Variants in WDR62 observed in about 807,000 individuals in gnomAD.
WDR62 encodes WD repeat-containing protein 62.
Under a neutral mutation model 160.6 loss-of-function variants are expected in WDR62, and 112 were observed. The observed-to-expected ratio is 0.70, with a 90% confidence interval of 0.60 to 0.82. The LOEUF (loss-of-function observed/expected upper bound fraction) is 0.82, where lower values mean the gene tolerates loss of function less well. Among genes scored for constraint, WDR62 ranks in the 40% least tolerant of loss-of-function variants. WDR62 has a pLI of 0.00. For synonymous variants in WDR62, 792 were observed against 815.1 expected (o/e 0.97, Z 0.48); for missense variants, 1,819 against 1,983.8 (o/e 0.92, Z 1.58).
chr19:36,084,081 T>C (rs1972062098), intron 11 of WDR62, among the ~76,000 whole-genome samples: 1 of 152,068 alleles, frequency 6.6e-6, no homozygotes, highest in Non-Finnish European at 1.5e-5. Context: ...GGCGCTGGCC[T>C]GAGCACTGTG....
intron 10 of WDR62, 140 bp downstream of exon 10, chr19:36,081,710 C>T: frequency 1.9e-6 from 2 of 1,030,086 alleles, no homozygotes; most frequent in Non-Finnish European, 3.0e-6. Flanking sequence ...AGGCAGGTCC[C>T]TCTCTGCATC....
At chr19:36,058,957 C>T (rs1970504836) in intron 2 of WDR62, 86 bp downstream of exon 2, 1 of 1,143,332 alleles carries the variant, frequency 8.7e-7, no homozygotes, top group African/African-American at 1.5e-5. Context: ...CGCTCTGAGC[C>T]TCATATTTTT....
chr19:36,058,905 G>A (rs1330021892), intron 2 of WDR62, 34 bp downstream of exon 2: 1 of 1,570,352 alleles, frequency 6.4e-7, no homozygotes, highest in Non-Finnish European at 8.8e-7. Context: ...TCTAATCATT[G>A]CTAGGGAATT....
rs753130760 is a variant in WDR62 at position 36,058,731 on chromosome 19, G to A, written c.178-49G>A. The A allele has an allele frequency of 2.0e-6, 3 of 1,509,942 alleles. No homozygotes were observed. The South Asian group carries it at 3.4e-5, about 17-fold the overall frequency. 93.5% of individuals were successfully genotyped at this position (1,509,942 alleles called of 1,614,324 possible). On this transcript the variant is annotated intron_variant, in intron 1 of 31. Transcript: ENST00000401500. ...TGGGTGGCCAAGGCGGCTGCACCATGTGGTGCTGGCTAGGGTGGGTGCCTC... is the reference window on the plus strand; with the variant it reads ...TGGGTGGCCAAGGCGGCTGCACCATATGGTGCTGGCTAGGGTGGGTGCCTC...
At chr19:36,082,960 T>TA (rs1971987758) in intron 10 of WDR62, 103 bp from the exon 11 acceptor site, 1 of 1,003,532 alleles carries the variant, frequency 1.0e-6, no homozygotes, top group Non-Finnish European at 1.5e-6. Flanking sequence ...AGCTCAAAAT[T>TA]AGAGTTGTAT....
rs1465939870 is a variant in WDR62 at position 36,103,174 on chromosome 19, G to A, written c.3481G>A (p.Ala1161Thr). 6.2e-7 allele frequency: 1 copy of A among 1,614,068 alleles called. No individual in the cohort carries two copies. Among genetic ancestry groups the A allele is most frequent in the African/African-American group, 1.3e-5 (1 of 75,050 alleles). ...CCTGCAGGTCCTCGCTGCAGGGAAG[G>A]CTGAAGAGACCCTGGAGGCCTGGCG... ...DRTHVLAAGKAEETLEAWRPP... is the reference protein window; with the variant it reads ...DRTHVLAAGKTEETLEAWRPP... Residue 1161 changes from alanine (A) to threonine (T), a missense_variant, in exon 29 of 32, where the codon GCT becomes ACT. Transcript: ENST00000401500.
At chr19:36,067,544 C>T (rs1026125859) in intron 6 of WDR62, 101 bp downstream of exon 6, 45 of 1,563,016 alleles carry the variant, frequency 2.9e-5, no homozygotes, top group Non-Finnish European at 3.7e-5. Flanking sequence ...GCAGCGGTCT[C>T]GGGCCATTTG....
chr19:36,102,629 C>A, intron 26 of WDR62, 108 bp from the exon 27 acceptor site: 1 of 894,148 alleles, frequency 1.1e-6, no homozygotes, highest in South Asian at 1.5e-5. Flanking sequence ...TACCCTGTGT[C>A]TGTACATAAG....
chr19:36,099,073 T>C (rs754516177), intron 21 of WDR62, among the ~76,000 whole-genome samples: 3 of 151,756 alleles, frequency 2.0e-5, no homozygotes, highest in Non-Finnish European at 2.9e-5. Context: ...AATACAAAAA[T>C]TAGCCAGGTG....
At chr19:36,090,610 C>G in intron 16 of WDR62, 90 bp downstream of exon 16, 1 of 1,192,180 alleles carries the variant, frequency 8.4e-7, no homozygotes, top group South Asian at 1.2e-5. Flanking sequence ...CTTGGTCCTT[C>G]CTCAGTGCAC....
chr19:36,080,283 AT>A (rs760362258), intron 9 of WDR62, among the ~76,000 whole-genome samples: 192 of 123,992 alleles, frequency 1.5e-3, no homozygotes, highest in Middle Eastern at 9.5e-3. Flanking sequence ...AATTTTTTGT[AT>A]TTTTTTTTTT....
In WDR62 at chr19:36,094,163, A is replaced by C. The variant is rs764835436; in HGVS notation, c.2466A>C (p.Pro822=). 1 of 1,614,034 alleles carries C rather than the reference A, an allele frequency of 6.2e-7. No individual in the cohort carries two copies. Among genetic ancestry groups the C allele is most frequent in the Non-Finnish European group, 8.5e-7 (1 of 1,179,980 alleles). Residue 822 remains proline (P), a splice_region_variant and synonymous_variant, in exon 20 of 32, where the codon CCA becomes CCC. Transcript: ENST00000401500. ...LKTPSKDSLD[P]DPRCLLTNGK... ...CACCATCCAAAGATAGCTTGGATCC[A>C]GGTTGGAAAAGGGGCCCTATTTTGA...
chr19:36,057,306 A>T (rs1032679913), intron 1 of WDR62, among the ~76,000 whole-genome samples: 2 of 152,042 alleles, frequency 1.3e-5, no homozygotes, highest in Non-Finnish European at 2.9e-5. Context: ...ATTTGGGGTA[A>T]TATTTATTTA....
At chr19:36,068,810 C>G (rs1444267024) in intron 7 of WDR62, among the ~76,000 whole-genome samples, 1 of 152,342 alleles carries the variant, frequency 6.6e-6, no homozygotes, top group East Asian at 1.9e-4. Flanking sequence ...CCACCTTTCC[C>G]CCTTTTCTAT....
intron 20 of WDR62, among the ~76,000 whole-genome samples, chr19:36,096,403 T>G (rs1972955581): frequency 6.6e-6 from 1 of 152,134 alleles, no homozygotes; most frequent in South Asian, 2.1e-4. Context: ...ATGCCTGGCC[T>G]TTATTTTAAA....
At chr19:36,078,446 C>T (rs1020891060) in intron 9 of WDR62, among the ~76,000 whole-genome samples, 7 of 151,928 alleles carry the variant, frequency 4.6e-5, no homozygotes, top group African/African-American at 1.5e-4. Flanking sequence ...CTGTGCCTGA[C>T]GTAGTTCTTT....
At chr19:36,076,349 C>A (rs1364352339) in intron 9 of WDR62, among the ~76,000 whole-genome samples, 1 of 151,868 alleles carries the variant, frequency 6.6e-6, no homozygotes, top group African/African-American at 2.4e-5. Context: ...CCCGAGCCCA[C>A]GAGTTTGAGA....
At chr19:36,071,202 CA>C (rs111636638) in intron 7 of WDR62, 8,685 of 229,326 alleles carry the variant, frequency 0.038, 2 homozygotes, top group South Asian at 0.088. Context: ...AACTCTATCT[CA>C]AAAAAAAAAA....
chr19:36,091,371 G>C, intron 17 of WDR62, 31 bp from the exon 18 acceptor site: 4 of 891,484 alleles, frequency 4.5e-6, no homozygotes, highest in Non-Finnish European at 6.9e-6. Flanking sequence ...TGACTCCGAA[G>C]GCAAGTGCAG....
Sources: gnomAD v4.1 joint callset for allele counts (sites outside exome capture counted in the v4.1 genomes callset) on GRCh38, gnomAD v4.1.1 for gene constraint, MANE v1.5 for transcripts, NCBI Gene and HGNC (gene_info 2026-07-23, HGNC 2026-07-21) for gene names.